FOXN3: variants seen among roughly 807,000 people sequenced by gnomAD.
FOXN3 encodes forkhead box protein N3.
A neutral mutation model predicts 38.4 loss-of-function variants in FOXN3; 7 were observed. The ratio of observed to expected loss-of-function variants is 0.18; its 90% CI spans 0.10 to 0.34. The LOEUF (loss-of-function observed/expected upper bound fraction) is 0.34. FOXN3 is among the 10% of genes least tolerant of loss of function. The pLI is 1.00. For missense variants in FOXN3, 456 were observed against 613.4 expected (o/e 0.74, Z 2.71); for synonymous variants, 230 against 242.2 (o/e 0.95, Z 0.47).
chr14:89,280,632 G>C (rs548538285), intron 4 of FOXN3, among the ~76,000 whole-genome samples: 1 of 152,136 alleles, frequency 6.6e-6, no homozygotes, highest in South Asian at 2.1e-4. Flanking sequence ...TGTTTCTGTC[G>C]CATTCTAATT....
chr14:89,360,233 C>A (rs564092367), intron 2 of FOXN3, among the ~76,000 whole-genome samples: 1 of 151,984 alleles, frequency 6.6e-6, no homozygotes, highest in African/African-American at 2.4e-5. Flanking sequence ...CTCCTCAGGG[C>A]CCAGCTGCCC....
intron 5 of FOXN3, among the ~76,000 whole-genome samples, chr14:89,178,299 G>A (rs1887578102): frequency 6.6e-6 from 1 of 152,088 alleles, no homozygotes; most frequent in Non-Finnish European, 1.5e-5. Flanking sequence ...GTGAGCCAAT[G>A]TGCCCGGCCT....
upstream of FOXN3, among the ~76,000 whole-genome samples, chr14:89,421,528 A>ATATTT (rs33969710): frequency 1.4e-5 from 2 of 144,802 alleles, no homozygotes; most frequent in African/African-American, 5.1e-5. Flanking sequence ...ACCCAGGGAA[A>ATATTT]TTTTTTTTTT....
intron 1 of FOXN3, among the ~76,000 whole-genome samples, chr14:89,539,534 C>T (rs964190643): frequency 6.6e-6 from 1 of 152,174 alleles, no homozygotes; most frequent in African/African-American, 2.4e-5. Context: ...GGGTCGATAA[C>T]AAAATTTCAA....
intron 1 of FOXN3, among the ~76,000 whole-genome samples, chr14:89,591,264 T>A (rs1340921165): frequency 6.6e-6 from 1 of 152,108 alleles, no homozygotes; most frequent in East Asian, 1.9e-4. Context: ...AGATGAGACA[T>A]CAGACTGAAA....
rs1348267621 is a variant in FOXN3 at position 89,597,035 on chromosome 14, C to T, written c.-15+21993G>A. Among the ~76,000 whole-genome samples the T allele has an allele frequency of 4.6e-5, 7 of 152,212 alleles. No individual in the cohort carries two copies. In the East Asian group the frequency reaches 1.4e-3, roughly 29 times the overall value. On this transcript the variant is annotated intron_variant, in intron 1 of 6. Coordinates refer to the FOXN3 transcript ENST00000345097. ...AAAAAATTTAGTTGTTCTTTTCTAACTTCTGGAAATTAATGCTTAGGTTAT... is the reference window on the plus strand; with the variant it reads ...AAAAAATTTAGTTGTTCTTTTCTAATTTCTGGAAATTAATGCTTAGGTTAT...
chr14:89,369,656 A>G (rs1033601568), intron 2 of FOXN3, among the ~76,000 whole-genome samples: 2 of 152,158 alleles, frequency 1.3e-5, no homozygotes, highest in Non-Finnish European at 2.9e-5. Context: ...GGCAGAGAAC[A>G]AGAGAGAATG....
chr14:89,391,753 C>T (rs1163182202), intron 2 of FOXN3, among the ~76,000 whole-genome samples: 1 of 152,130 alleles, frequency 6.6e-6, no homozygotes, highest in African/African-American at 2.4e-5. Flanking sequence ...GCCTGTAATC[C>T]TGGCACTTTG....
chr14:89,473,220 T>C (rs1893143245), intron 1 of FOXN3, among the ~76,000 whole-genome samples: 1 of 151,808 alleles, frequency 6.6e-6, no homozygotes, highest in Non-Finnish European at 1.5e-5. Flanking sequence ...GAGATGGGGT[T>C]TCACCATGTT....
intron 4 of FOXN3, among the ~76,000 whole-genome samples, chr14:89,195,405 T>C (rs542546549): frequency 1.3e-5 from 2 of 152,378 alleles, no homozygotes; most frequent in South Asian, 2.1e-4. Flanking sequence ...GAGAGACTAC[T>C]GGTGGTTTAC....
intron 1 of FOXN3, among the ~76,000 whole-genome samples, chr14:89,447,788 G>A (rs1892533689): frequency 1.3e-5 from 2 of 149,518 alleles, no homozygotes; most frequent in South Asian, 4.3e-4. Context: ...GTCATCATCC[G>A]CAGTGGTTTC....
chr14:89,527,740 C>T (rs1293831098), intron 1 of FOXN3, among the ~76,000 whole-genome samples: 3 of 146,218 alleles, frequency 2.1e-5, no homozygotes. Flanking sequence ...CTGGCTCTGT[C>T]GCTCGGGCTG....
At chr14:89,186,619 C>T (rs1468455828) in intron 4 of FOXN3, among the ~76,000 whole-genome samples, 2 of 152,144 alleles carry the variant, frequency 1.3e-5, no homozygotes, top group African/African-American at 4.8e-5. Context: ...AGCCATGTCC[C>T]ATGCTGACTG....
At chr14:89,560,198 A>G (rs1596317805) in intron 1 of FOXN3, among the ~76,000 whole-genome samples, 1 of 152,282 alleles carries the variant, frequency 6.6e-6, no homozygotes, top group Non-Finnish European at 1.5e-5. Flanking sequence ...CTCACTCACT[A>G]TCATGAGAAC....
intron 4 of FOXN3, among the ~76,000 whole-genome samples, chr14:89,231,175 C>A (rs1284374400): frequency 6.6e-6 from 1 of 151,930 alleles, no homozygotes; most frequent in Non-Finnish European, 1.5e-5. Context: ...TTCCTTATCC[C>A]AAACTGCTCT....
chr14:89,558,774 G>A (rs1895179981), intron 1 of FOXN3, among the ~76,000 whole-genome samples: 1 of 152,174 alleles, frequency 6.6e-6, no homozygotes, highest in East Asian at 1.9e-4. Flanking sequence ...CAAGGAGCAG[G>A]TTGGGTACAC....
rs553513983 is a variant in FOXN3 at position 89,216,133 on chromosome 14, G to C, written c.746-35327C>G. On this transcript the variant is annotated intron_variant, in intron 4 of 5. Transcript: ENST00000557258. Reference sequence around the variant, plus strand: ...ATGTATCCTAGTGATAGGAAAGTTGGTTAACAGGCACTTACAGAGGACTTC... The same window carrying C: ...ATGTATCCTAGTGATAGGAAAGTTGCTTAACAGGCACTTACAGAGGACTTC... 5.9e-5 allele frequency among the ~76,000 whole-genome samples: 9 copies of C among 152,280 alleles called. No homozygotes were observed. In the South Asian group the frequency reaches 1.9e-3, roughly 32 times the overall value.
intron 1 of FOXN3, among the ~76,000 whole-genome samples, chr14:89,425,173 C>T (rs1024426683): frequency 6.8e-6 from 1 of 147,506 alleles, no homozygotes; most frequent in Non-Finnish European, 1.5e-5. Context: ...CTGGTTCAAG[C>T]AATTCTCCCA....
At chr14:89,251,515 A>C (rs960308721) in intron 4 of FOXN3, among the ~76,000 whole-genome samples, 1 of 152,226 alleles carries the variant, frequency 6.6e-6, no homozygotes, top group Admixed American at 6.5e-5. Flanking sequence ...AAGAGCAACT[A>C]AATTCAACTC....
Sources: gnomAD v4.1 joint callset for allele counts (sites outside exome capture counted in the v4.1 genomes callset) on GRCh38, gnomAD v4.1.1 for gene constraint, MANE v1.5 for transcripts, NCBI Gene and HGNC (gene_info 2026-07-23, HGNC 2026-07-21) for gene names.